Variants in LDLRAD3 observed in about 807,000 individuals in gnomAD.
The protein encoded by LDLRAD3 is low-density lipoprotein receptor class A domain-containing protein 3.
A neutral mutation model predicts 29.4 loss-of-function variants in LDLRAD3; 20 were observed. That is an observed-to-expected ratio of 0.68 (90% CI 0.48 to 0.99). The LOEUF is 0.99. Among genes scored for constraint, LDLRAD3 ranks in the 50% least tolerant of loss-of-function variants. The probability of loss-of-function intolerance (pLI) is 0.00; values close to 1 mark genes in which losing one functional copy is unlikely to be tolerated. For missense variants in LDLRAD3, 420 were observed against 454.3 expected (o/e 0.92, Z 0.69); for synonymous variants, 157 against 192.7 (o/e 0.81, Z 1.53).
chr11:35,968,348 G>A (rs993620844), intron 1 of LDLRAD3: 61 of 361,188 alleles, frequency 1.7e-4, no homozygotes, highest in African/African-American at 1.2e-3. Context: ...GAGAAATAAC[G>A]TCTGGCTCAG....
intron 2 of LDLRAD3, among the ~76,000 whole-genome samples, chr11:36,037,794 G>T (rs1852323710): frequency 1.3e-5 from 2 of 152,202 alleles, no homozygotes; most frequent in Admixed American, 6.5e-5. Context: ...CTTCAGAGAA[G>T]TTTTTGGGAT....
chr11:36,209,714 A>C (rs1446962271), intron 4 of LDLRAD3, among the ~76,000 whole-genome samples: 1 of 152,232 alleles, frequency 6.6e-6, no homozygotes, highest in Non-Finnish European at 1.5e-5. Flanking sequence ...CAAATAAAAA[A>C]TTAAATTTTA....
chr11:36,180,804 T>C (rs2133356920), intron 4 of LDLRAD3, among the ~76,000 whole-genome samples: 1 of 152,132 alleles, frequency 6.6e-6, no homozygotes, highest in South Asian at 2.1e-4. Flanking sequence ...CGTGTGCCAA[T>C]TGGTGTGGTA....
At chr11:35,987,676 A>G (rs1032092149) in intron 1 of LDLRAD3, among the ~76,000 whole-genome samples, 4 of 152,088 alleles carry the variant, frequency 2.6e-5, no homozygotes, top group Non-Finnish European at 4.4e-5. Flanking sequence ...ATGGGCACCT[A>G]GTTTGATTCC....
At chr11:36,090,845 G>A (rs76084037) in intron 3 of LDLRAD3, among the ~76,000 whole-genome samples, 2 of 152,184 alleles carry the variant, frequency 1.3e-5, no homozygotes, top group African/African-American at 4.8e-5. Flanking sequence ...AGGGGGAAAG[G>A]CTGCTGAGGC....
Position 36,227,317 on chromosome 11 carries a change from C to T in LDLRAD3, c.687C>T (p.Cys229=). The change falls in exon 5 of 6, where the codon TGC becomes TGT. Residue 229 remains cysteine, a synonymous_variant. Coordinates refer to ENST00000315571, the MANE Select transcript of LDLRAD3 (RefSeq NM_174902.4). ...TGGTCCTGGACCACCCCCACCACTG[C>T]AACGTCACCTACAACGTCAATAATG... is the stretch of plus-strand genomic sequence containing the variant. The part of the protein sequence containing the change: ...RLVVLDHPHH[C]NVTYNVNNGI... The T allele has an allele frequency of 6.2e-7, 1 of 1,614,194 alleles. No homozygotes were observed. Among genetic ancestry groups the T allele is most frequent in the African/African-American group, 1.3e-5 (1 of 75,070 alleles).
At chr11:36,001,394 AT>A (rs1214950022) in intron 1 of LDLRAD3, among the ~76,000 whole-genome samples, 1 of 152,158 alleles carries the variant, frequency 6.6e-6, no homozygotes, top group African/African-American at 2.4e-5. Context: ...TATCTATTAT[AT>A]TTCCAAAGTA....
At chr11:36,176,151 T>A (rs1000035018) in intron 4 of LDLRAD3, among the ~76,000 whole-genome samples, 16 of 152,204 alleles carry the variant, frequency 1.1e-4, no homozygotes, top group Non-Finnish European at 1.6e-4. Flanking sequence ...GCATAGACTG[T>A]CTTTTTCCAC....
intron 1 of LDLRAD3, among the ~76,000 whole-genome samples, chr11:35,973,192 CGTT>C (rs1373331312): frequency 6.7e-6 from 1 of 150,126 alleles, no homozygotes; most frequent in Non-Finnish European, 1.5e-5. Context: ...TTATTGTTGT[CGTT>C]GTTTACTTAC....
intron 2 of LDLRAD3, among the ~76,000 whole-genome samples, chr11:36,076,002 G>A (rs935754923): frequency 6.6e-6 from 1 of 152,122 alleles, no homozygotes; most frequent in African/African-American, 2.4e-5. Context: ...CATCTTGTTT[G>A]TATATTCTTC....
intron 1 of LDLRAD3, among the ~76,000 whole-genome samples, chr11:36,028,344 G>A (rs1343714975): frequency 1.3e-5 from 2 of 152,216 alleles, no homozygotes; most frequent in Non-Finnish European, 2.9e-5. Flanking sequence ...AAGACATGGT[G>A]TTGGGAGCAG....
At chr11:35,990,411 A>G (rs1016627725) in intron 1 of LDLRAD3, among the ~76,000 whole-genome samples, 7 of 151,060 alleles carry the variant, frequency 4.6e-5, no homozygotes, top group Non-Finnish European at 1.0e-4. Flanking sequence ...CATAACTTCA[A>G]TCTCTGCCTC....
intron 4 of LDLRAD3, among the ~76,000 whole-genome samples, chr11:36,156,875 T>G (rs1404964442): frequency 6.6e-6 from 1 of 152,230 alleles, no homozygotes; most frequent in Non-Finnish European, 1.5e-5. Flanking sequence ...CTGAATTCAT[T>G]TGGGAGAACG....
In LDLRAD3 at chr11:36,199,566, T is replaced by TACAC. The variant is rs57161243; in HGVS notation, c.455-27500_455-27497dup. Among the ~76,000 whole-genome samples the TACAC allele has an allele frequency of 5.0e-3, 749 of 150,062 alleles. 9 individuals are homozygous for TACAC. Among genetic ancestry groups the TACAC allele is most frequent in the African/African-American group, 0.013 (549 of 40,978 alleles). On this transcript the variant is annotated intron_variant, in intron 4 of 5. Transcript: ENST00000315571. ...TAGGAGTAGCAGGAAGCTGTGGTTC[T>TACAC]ACACACACACACACACACACACGCA...
At chr11:36,117,992 G>A (rs1158397254) in intron 4 of LDLRAD3, among the ~76,000 whole-genome samples, 4 of 152,298 alleles carry the variant, frequency 2.6e-5, no homozygotes, top group South Asian at 2.1e-4. Flanking sequence ...TAGTTATAGT[G>A]ATCCTTAACC....
chr11:36,134,774 C>T (rs561869304), intron 4 of LDLRAD3, among the ~76,000 whole-genome samples: 1 of 152,298 alleles, frequency 6.6e-6, no homozygotes, highest in East Asian at 1.9e-4. Context: ...TTGAGAACCT[C>T]CCCTCTTGCT....
chr11:36,083,778 A>C lies in LDLRAD3; in HGVS notation c.319+2000A>C, dbSNP rs1000234318. On this transcript the variant is annotated intron_variant, in intron 3 of 5. Transcript: ENST00000315571. ...CACACACACACACACACACACACACACACCCCAGAATAATCCAATGGCAAT... is the reference window on the plus strand; with the variant it reads ...CACACACACACACACACACACACACCCACCCCAGAATAATCCAATGGCAAT... Among the ~76,000 whole-genome samples, 164 of 64,218 alleles carry C rather than the reference A, an allele frequency of 2.6e-3. 1 individual carries two copies. In the South Asian group the frequency reaches 0.046, roughly 18 times the overall value. 42.1% of individuals were successfully genotyped at this position (64,218 alleles called of 152,430 possible).
chr11:36,152,101 A>T (rs1263242640), intron 4 of LDLRAD3, among the ~76,000 whole-genome samples: 3 of 152,076 alleles, frequency 2.0e-5, no homozygotes, highest in Non-Finnish European at 4.4e-5. Context: ...GGGAACTGAA[A>T]CCGCAAATTG....
intron 1 of LDLRAD3, among the ~76,000 whole-genome samples, chr11:35,946,592 G>A (rs1327114378): frequency 6.6e-6 from 1 of 152,170 alleles, no homozygotes; most frequent in African/African-American, 2.4e-5. Context: ...TCCTGCATGT[G>A]GGTGGACTCA....
Sources: gnomAD v4.1 joint callset for allele counts (sites outside exome capture counted in the v4.1 genomes callset) on GRCh38, gnomAD v4.1.1 for gene constraint, MANE v1.5 for transcripts, NCBI Gene and HGNC (gene_info 2026-07-23, HGNC 2026-07-21) for gene names.